The following SMOC2 variants were observed in gnomAD, a reference collection of about 807,000 sequenced individuals.
SMOC2 encodes the protein SPARC-related modular calcium-binding protein 2.
In SMOC2, 39 loss-of-function variants were observed where a neutral mutation model predicts 61.4. The ratio of observed to expected loss-of-function variants is 0.64; its 90% CI spans 0.49 to 0.83. SMOC2 has a LOEUF of 0.83. Among genes scored for constraint, SMOC2 ranks in the 40% least tolerant of loss-of-function variants. The pLI is 0.00. For synonymous variants in SMOC2, 247 were observed against 239.9 expected, an observed-to-expected ratio of 1.03 and a Z score of -0.27; for missense variants, 556 against 592.9, an observed-to-expected ratio of 0.94 and a Z score of 0.65.
chr6:168,462,510 C>G (rs1377168363), intron 1 of SMOC2, among the ~76,000 whole-genome samples: 1 of 151,952 alleles, frequency 6.6e-6, no homozygotes, highest in African/African-American at 2.4e-5. Context: ...GGAGGGTGGT[C>G]CCCTGTCCTC....
chr6:168,565,370 A>C (rs1319963598), intron 7 of SMOC2, among the ~76,000 whole-genome samples: 1 of 152,048 alleles, frequency 6.6e-6, no homozygotes, highest in Non-Finnish European at 1.5e-5. Flanking sequence ...ACTGGCCTCC[A>C]TGTGGTCTTC....
At chr6:168,657,155 G>A (rs1368358037) in intron 11 of SMOC2, among the ~76,000 whole-genome samples, 1 of 152,236 alleles carries the variant, frequency 6.6e-6, no homozygotes, top group Non-Finnish European at 1.5e-5. Flanking sequence ...CCAAGGTCTG[G>A]CAAGGCTCAT....
Position 168,560,609 on chromosome 6 carries a change from CG to C in SMOC2, c.637+11407del, listed in dbSNP as rs1562348500. Among the ~76,000 whole-genome samples, 16 of 14,290 alleles carry C rather than the reference CG, an allele frequency of 1.1e-3. 1 individual carries two copies. The highest frequency in any genetic ancestry group is 1.3e-3 in the African/African-American group (3 of 2,228). 9.4% of individuals were successfully genotyped at this position (14,290 alleles called of 152,430 possible). ...GGTGTCATTTTCCTGCCCTGAGACA[CG>C]AGGCTCTCACTGCATTCTTGGAGGA... On this transcript the variant is annotated intron_variant, in intron 7 of 12. Transcript: ENST00000356284.
intron 7 of SMOC2, among the ~76,000 whole-genome samples, chr6:168,598,502 T>A (rs1785386688): frequency 6.6e-6 from 1 of 152,182 alleles, no homozygotes; most frequent in Admixed American, 6.5e-5. Flanking sequence ...GGGCATCAGA[T>A]CTGCTCCTGG....
chr6:168,623,864 C>T (rs545355198), intron 9 of SMOC2, among the ~76,000 whole-genome samples: 2 of 152,100 alleles, frequency 1.3e-5, no homozygotes, highest in Admixed American at 1.3e-4. Context: ...GTGGCTGATG[C>T]GTGCTGAGGC....
intron 11 of SMOC2, among the ~76,000 whole-genome samples, chr6:168,659,519 A>T (rs796773864): frequency 2.7e-3 from 7 of 2,582 alleles, no homozygotes; most frequent in Admixed American, 4.5e-3. Flanking sequence ...TGGAGGTTGT[A>T]GGTTGGGTGA....
chr6:168,464,215 A>T (rs1158862466), intron 1 of SMOC2, among the ~76,000 whole-genome samples: 2 of 150,270 alleles, frequency 1.3e-5, no homozygotes, highest in East Asian at 3.9e-4. Flanking sequence ...GGAAGGAAGA[A>T]AGGAAGGAAG....
rs1482338543 is a variant in SMOC2, at chr6:168,490,925, C to G, written c.85-18990C>G. Among the ~76,000 whole-genome samples, 7 of 152,300 alleles carry G rather than the reference C, an allele frequency of 4.6e-5. No individual in the cohort carries two copies. In the East Asian group the frequency reaches 1.4e-3, roughly 30 times the overall value. On this transcript the variant is annotated intron_variant, in intron 1 of 12. Transcript: ENST00000356284. ...ATGCATGACTTGAGACACGGCAGGG[C>G]AGCTGGGGGCAGCGGGGGCGGCTGG...
chr6:168,519,009 A>C (rs192206759), intron 2 of SMOC2, among the ~76,000 whole-genome samples: 1 of 129,138 alleles, frequency 7.7e-6, no homozygotes, highest in Admixed American at 8.0e-5. Context: ...ATGTGTGAGT[A>C]TGCGTGCATG....
chr6:168,516,948 C>T (rs932398991), intron 2 of SMOC2, among the ~76,000 whole-genome samples: 11 of 152,040 alleles, frequency 7.2e-5, no homozygotes, highest in East Asian at 3.9e-4. Context: ...ACTGAAACTC[C>T]GTCTGAAGAA....
intron 11 of SMOC2, chr6:168,655,436 T>G: frequency 2.2e-6 from 1 of 456,430 alleles, no homozygotes; most frequent in Non-Finnish European, 4.4e-6. Flanking sequence ...CCAGATGTTC[T>G]TAGGAGGCAA....
chr6:168,451,439 A>G (rs1781459076), intron 1 of SMOC2, among the ~76,000 whole-genome samples: 1 of 152,182 alleles, frequency 6.6e-6, no homozygotes, highest in African/African-American at 2.4e-5. Context: ...ACATGGGATT[A>G]AGGTGCCTGT....
intron 12 of SMOC2, chr6:168,665,018 A>G (rs1787625432): frequency 3.2e-6 from 1 of 310,524 alleles, no homozygotes; most frequent in Non-Finnish European, 6.3e-6. Flanking sequence ...CTGAGGAAAG[A>G]TGTGTGATAT....
chr6:168,603,242 CTTTTTTTTTTTTTT>C, intron 8 of SMOC2, among the ~76,000 whole-genome samples: 1 of 96,368 alleles, frequency 1.0e-5, no homozygotes, highest in Non-Finnish European at 2.0e-5. Flanking sequence ...TCAATTAAAC[CTTTTTTTTTTTTTT>C]TTTTTTTTTT....
chr6:168,534,146 A>G (rs1264864518), intron 4 of SMOC2, among the ~76,000 whole-genome samples: 1 of 152,184 alleles, frequency 6.6e-6, no homozygotes, highest in Non-Finnish European at 1.5e-5. Flanking sequence ...TTTTTCAGAG[A>G]AAAATGTTAA....
At chr6:168,465,806 G>A (rs576273940) in intron 1 of SMOC2, among the ~76,000 whole-genome samples, 3 of 133,020 alleles carry the variant, frequency 2.3e-5, no homozygotes, top group South Asian at 2.8e-4. Flanking sequence ...TCTGGATGAA[G>A]TGAGGTGCTG....
intron 9 of SMOC2, among the ~76,000 whole-genome samples, chr6:168,620,000 C>T (rs2342638): frequency 0.4 from 60,624 of 152,124 alleles, 12,465 homozygotes; most frequent in South Asian, 0.48. Context: ...TCTGTGCTCC[C>T]TGAGGTTGGC....
intron 2 of SMOC2, among the ~76,000 whole-genome samples, chr6:168,526,107 G>A (rs2115074147): frequency 6.6e-6 from 1 of 152,298 alleles, no homozygotes; most frequent in Non-Finnish European, 1.5e-5. Context: ...TGGAGAATGG[G>A]CCTGCCCTTC....
intron 9 of SMOC2, among the ~76,000 whole-genome samples, chr6:168,650,267 TG>T (rs1787157846): frequency 6.6e-6 from 1 of 151,752 alleles, no homozygotes; most frequent in South Asian, 2.1e-4. Flanking sequence ...CTGGACAGGG[TG>T]GGGGTGGCGG....
Sources: gnomAD v4.1 joint callset for allele counts (sites outside exome capture counted in the v4.1 genomes callset) on GRCh38, gnomAD v4.1.1 for gene constraint, MANE v1.5 for transcripts, NCBI Gene and HGNC (gene_info 2026-07-23, HGNC 2026-07-21) for gene names.